Variants in AIG1 observed in about 807,000 individuals in gnomAD.
AIG1 encodes androgen-induced gene 1 protein.
In AIG1, 23 loss-of-function variants were observed where a neutral mutation model predicts 31.4. The ratio of observed to expected loss-of-function variants is 0.73; its 90% CI spans 0.53 to 1.04. The LOEUF (loss-of-function observed/expected upper bound fraction) is 1.04. Among genes scored for constraint, AIG1 ranks in the 50% least tolerant of loss-of-function variants. The pLI is 0.00. For synonymous variants in AIG1, 100 were observed against 110.5 expected (o/e 0.90, Z 0.60); for missense variants, 274 against 295.0 (o/e 0.93, Z 0.52).
chr6:143,311,694 A>G (rs904685831), intron 4 of AIG1, among the ~76,000 whole-genome samples: 1 of 151,988 alleles, frequency 6.6e-6, no homozygotes, highest in South Asian at 2.1e-4. Flanking sequence ...ATCTATTAAA[A>G]ATTTATAGCT....
At chr6:143,082,926 A>T (rs1778404385) in intron 1 of AIG1, among the ~76,000 whole-genome samples, 1 of 152,218 alleles carries the variant, frequency 6.6e-6, no homozygotes, top group African/African-American at 2.4e-5. Context: ...TATCTTACTA[A>T]ATGGGTATTG....
Position 143,143,533 on chromosome 6 carries a change from A to ATATATATATATATG in AIG1, c.297+6556_297+6557insGTATATATATATAT, listed in dbSNP as rs1554249804. The stretch of plus-strand genomic sequence containing the variant: ...AAAAAAAAAAAAAAAAAAAAAATAT[A>ATATATATATATATG]TATATATATATATATATATATACAC... On this transcript the variant is annotated intron_variant, in intron 2 of 5. Coordinates refer to ENST00000357847, the MANE Select transcript of AIG1 (RefSeq NM_016108.4). Among the ~76,000 whole-genome samples, 31 of 112,600 alleles carry ATATATATATATATG rather than the reference A, an allele frequency of 2.8e-4. 3 individuals carry two copies. The highest frequency in any genetic ancestry group is 1.3e-3 in the East Asian group (4 of 3,096). 73.9% of individuals were successfully genotyped at this position (112,600 alleles called of 152,430 possible).
intron 4 of AIG1, among the ~76,000 whole-genome samples, chr6:143,317,574 A>G (rs1017396681): frequency 6.6e-6 from 1 of 152,154 alleles, no homozygotes; most frequent in African/African-American, 2.4e-5. Flanking sequence ...AGTTGAAAGC[A>G]TTCCCTCTGA....
intron 3 of AIG1, among the ~76,000 whole-genome samples, chr6:143,205,087 C>T (rs1228215246): frequency 6.6e-6 from 1 of 152,106 alleles, no homozygotes; most frequent in Non-Finnish European, 1.5e-5. Flanking sequence ...CTTTGTGTAC[C>T]AAACACATGT....
chr6:143,184,973 G>A (rs187182705), intron 3 of AIG1, among the ~76,000 whole-genome samples: 6 of 152,060 alleles, frequency 3.9e-5, no homozygotes, highest in Admixed American at 1.3e-4. Context: ...CGAGGTGGGC[G>A]GATCACAAGG....
At chr6:143,120,576 C>T (rs1052148060) in intron 1 of AIG1, among the ~76,000 whole-genome samples, 1 of 152,124 alleles carries the variant, frequency 6.6e-6, no homozygotes, top group African/African-American at 2.4e-5. Context: ...TTCACTATCA[C>T]GAGAACAGCA....
In AIG1 at chr6:143,165,044, C is replaced by T. The variant is rs748037705; in HGVS notation, c.298-38C>T. The T allele has an allele frequency of 1.1e-5, 16 of 1,444,372 alleles. No homozygotes were observed. In the Middle Eastern group the frequency reaches 5.3e-4, roughly 47 times the overall value. The allele number at this position is 1,444,372 out of a possible 1,614,324, so 89.5% of individuals were successfully genotyped here. A position where few individuals can be genotyped will look rare whatever the true frequency, so the allele number is the denominator to read the frequency against. ...CAATAAATTGTATGTTGTGGATAGT[C>T]GATGAACTTGAAATAAAAGATTTCT... On this transcript the variant is annotated intron_variant, in intron 2 of 5. Coordinates refer to ENST00000357847, the MANE Select transcript of AIG1 (RefSeq NM_016108.4).
intron 3 of AIG1, among the ~76,000 whole-genome samples, chr6:143,217,065 G>A (rs963222670): frequency 6.6e-6 from 1 of 152,186 alleles, no homozygotes; most frequent in African/African-American, 2.4e-5. Flanking sequence ...ATTCAATTGA[G>A]AAGTTTTTAT....
At chr6:143,307,005 C>G (rs1234817079) in intron 4 of AIG1, among the ~76,000 whole-genome samples, 1 of 152,174 alleles carries the variant, frequency 6.6e-6, no homozygotes, top group Non-Finnish European at 1.5e-5. Flanking sequence ...GCTCCTGAGG[C>G]TTCTGCATTC....
At chr6:143,343,320 C>T, downstream of AIG1, 2 of 609,582 alleles carry the variant, frequency 3.3e-6, no homozygotes, top group Non-Finnish European at 6.4e-6. Context: ...CAGGGAGCCT[C>T]TAGTGAAAAT....
intron 4 of AIG1, among the ~76,000 whole-genome samples, chr6:143,302,549 T>C (rs1409594861): frequency 1.3e-5 from 2 of 152,216 alleles, no homozygotes; most frequent in African/African-American, 4.8e-5. Context: ...ACAAAGGACA[T>C]GAACTCATCA....
At chr6:143,141,713 C>A (rs1303086728) in intron 2 of AIG1, among the ~76,000 whole-genome samples, 1 of 152,158 alleles carries the variant, frequency 6.6e-6, no homozygotes, top group Non-Finnish European at 1.5e-5. Context: ...TGAACCCTGT[C>A]ACCCTTTTAA....
Position 143,284,061 on chromosome 6 carries a change from G to C in AIG1, c.400-49G>C, listed in dbSNP as rs1293620390. ...TCCTACTGGTGAAAAAACAACTATA[G>C]AGAGACAATGATAGCAATCTGTGTC... On this transcript the variant is annotated intron_variant, in intron 3 of 5. Coordinates refer to ENST00000357847, the MANE Select transcript of AIG1 (RefSeq NM_016108.4). This position sits in a 1 kb window ranked among gnomAD's most constrained non-coding sequence, Gnocchi z 4.4. The C allele has an allele frequency of 7.1e-7, 1 of 1,399,958 alleles. No homozygotes were observed. The highest frequency in any genetic ancestry group is 1.0e-6 in the Non-Finnish European group (1 of 990,082). 86.7% of individuals were successfully genotyped at this position (1,399,958 alleles called of 1,614,324 possible).
intron 1 of AIG1, among the ~76,000 whole-genome samples, chr6:143,072,072 GTGAGCCACTA>G (rs1254129905): frequency 7.2e-5 from 11 of 152,158 alleles, no homozygotes; most frequent in Admixed American, 6.5e-5. Flanking sequence ...GATTACAGGT[GTGAGCCACTA>G]TGCCTGGCTC....
chr6:143,073,957 G>A (rs1777517560), intron 1 of AIG1, among the ~76,000 whole-genome samples: 1 of 152,190 alleles, frequency 6.6e-6, no homozygotes, highest in Non-Finnish European at 1.5e-5. Flanking sequence ...ATTTCAATAT[G>A]AGATTTAGGC....
At chr6:143,300,815 A>G (rs1476093998) in intron 4 of AIG1, among the ~76,000 whole-genome samples, 1 of 152,182 alleles carries the variant, frequency 6.6e-6, no homozygotes, top group Non-Finnish European at 1.5e-5. Context: ...CCTTTGAATG[A>G]ATTTTCCATG....
chr6:143,171,421 TAATA>T (rs1562453807), intron 3 of AIG1, among the ~76,000 whole-genome samples: 1 of 107,780 alleles, frequency 9.3e-6, no homozygotes, highest in African/African-American at 3.8e-5. Context: ...TATATATATA[TAATA>T]TATATAATAT....
chr6:143,106,961 A>G (rs1780860766), intron 1 of AIG1, among the ~76,000 whole-genome samples: 1 of 152,192 alleles, frequency 6.6e-6, no homozygotes, highest in Non-Finnish European at 1.5e-5. Flanking sequence ...CTCTACCCTC[A>G]TGACTAATCA....
chr6:143,338,821 G>A lies in AIG1; in HGVS notation c.680-818G>A, dbSNP rs1777700648. 6.6e-6 allele frequency: 1 copy of A among 152,064 alleles called. No individual in the cohort carries two copies. Among genetic ancestry groups the A allele is most frequent in the Non-Finnish European group, 1.5e-5 (1 of 67,986 alleles). The allele number at this position is 152,064 out of a possible 1,614,324, so 9.4% of individuals were successfully genotyped here. A position where few individuals can be genotyped will look rare whatever the true frequency, so the allele number is the denominator to read the frequency against. Reference sequence around the variant, plus strand: ...GCAAAGTGGTATTTTAAGTTATTTTGTTTCATTTTTGCTATTGAAACAAAG... The same window carrying A: ...GCAAAGTGGTATTTTAAGTTATTTTATTTCATTTTTGCTATTGAAACAAAG... On this transcript the variant is annotated intron_variant, in intron 5 of 5. Transcript: ENST00000357847. This position sits in a 1 kb window ranked among gnomAD's most constrained non-coding sequence, Gnocchi z 4.3.
Sources: gnomAD v4.1 joint callset for allele counts (sites outside exome capture counted in the v4.1 genomes callset) on GRCh38, gnomAD v4.1.1 for gene constraint, Gnocchi (gnomAD v3.1) non-coding constraint, MANE v1.5 for transcripts, NCBI Gene and HGNC (gene_info 2026-07-23, HGNC 2026-07-21) for gene names.